Variants in TMEM135 observed in about 807,000 individuals in gnomAD.
TMEM135 encodes peroxisomal membrane protein 52.
In TMEM135, 30 loss-of-function variants were observed where a neutral mutation model predicts 60.3. The ratio of observed to expected loss-of-function variants is 0.50; its 90% CI spans 0.37 to 0.68. The LOEUF is 0.68. TMEM135 is among the 30% of genes least tolerant of loss of function. TMEM135 has a pLI of 0.00. For synonymous variants in TMEM135, 190 were observed against 186.7 expected, an observed-to-expected ratio of 1.02 and a Z score of -0.14; for missense variants, 468 against 548.8, an observed-to-expected ratio of 0.85 and a Z score of 1.47.
chr11:87,077,695 C>G (rs1856903239), intron 3 of TMEM135, among the ~76,000 whole-genome samples: 1 of 152,164 alleles, frequency 6.6e-6, no homozygotes, highest in African/African-American at 2.4e-5. Context: ...CCATCACAAA[C>G]AATTTTAGAA....
chr11:87,275,608 G>C (rs1455464284), intron 6 of TMEM135, among the ~76,000 whole-genome samples: 2 of 152,110 alleles, frequency 1.3e-5, no homozygotes, highest in African/African-American at 2.4e-5. Flanking sequence ...TAGCAAGTTA[G>C]AGTCTCAGAA....
chr11:87,317,952 G>A (rs977045703), intron 12 of TMEM135, among the ~76,000 whole-genome samples, 185 bp from the exon 13 acceptor site: 2 of 152,118 alleles, frequency 1.3e-5, no homozygotes, highest in African/African-American at 2.4e-5. Context: ...CTGGGATTTG[G>A]AGCAAAACTG....
chr11:87,105,611 G>GT (rs1591023059), intron 4 of TMEM135, among the ~76,000 whole-genome samples: 2 of 152,188 alleles, frequency 1.3e-5, no homozygotes, highest in East Asian at 3.9e-4. Flanking sequence ...TAAAAAACAA[G>GT]TAAAAACACT....
At chr11:87,158,547 T>G (rs146733043) in intron 5 of TMEM135, among the ~76,000 whole-genome samples, 2,539 of 151,694 alleles carry the variant, frequency 0.017, 64 homozygotes, top group East Asian at 0.072. Context: ...CTACAAGCTC[T>G]GCCTCCCAGG....
intron 6 of TMEM135, among the ~76,000 whole-genome samples, chr11:87,256,029 A>G (rs1941522143): frequency 6.6e-6 from 1 of 152,208 alleles, no homozygotes; most frequent in African/African-American, 2.4e-5. Context: ...GGGATCTATT[A>G]AAAACATTGA....
At chr11:87,187,642 C>T (rs1431317834) in intron 5 of TMEM135, among the ~76,000 whole-genome samples, 3 of 152,160 alleles carry the variant, frequency 2.0e-5, no homozygotes, top group Admixed American at 6.5e-5. Flanking sequence ...TGTGTGTGAA[C>T]GTAGTTGCCA....
At chr11:87,066,005 C>A (rs1209308316) in intron 1 of TMEM135, among the ~76,000 whole-genome samples, 3 of 152,046 alleles carry the variant, frequency 2.0e-5, no homozygotes, top group Non-Finnish European at 4.4e-5. Flanking sequence ...CATTGTTTTG[C>A]CTGTGTATGA....
rs183490504 is a variant in TMEM135 at position 87,318,106 on chromosome 11, T to C, written c.1078-31T>C. The C allele has an allele frequency of 4.5e-4, 711 of 1,569,808 alleles. 4 individuals are homozygous for C. In the African/African-American group the frequency reaches 7.2e-3, roughly 16 times the overall value. On this transcript the variant is annotated intron_variant, in intron 12 of 14. Transcript: ENST00000305494. The stretch of plus-strand genomic sequence containing the variant: ...TGTTTTTAATGCTGAGGTTTTTTCT[T>C]TATAACTCTTGTCTTATGCTTGTTT...
At position 87,094,472 on chromosome 11, in the gene TMEM135, A is replaced by G. The variant is rs7112286; in HGVS notation, c.396+3077A>G. On this transcript the variant is annotated intron_variant, in intron 4 of 14. Coordinates refer to ENST00000305494, the MANE Select transcript of TMEM135 (RefSeq NM_022918.4). Reference sequence around the variant, plus strand: ...GCAGACTCTGGATCTGGAGCTCCTCATTACTTCTTCTCCCCTTTTTTCAAT... The same window carrying G: ...GCAGACTCTGGATCTGGAGCTCCTCGTTACTTCTTCTCCCCTTTTTTCAAT... Among the ~76,000 whole-genome samples the G allele has an allele frequency of 7.6e-3, 1,163 of 152,192 alleles. 16 individuals carry two copies. The highest frequency in any genetic ancestry group is 0.026 in the African/African-American group (1,063 of 41,502).
intron 6 of TMEM135, among the ~76,000 whole-genome samples, chr11:87,276,578 G>A (rs1474200839): frequency 2.0e-5 from 3 of 150,064 alleles, no homozygotes; most frequent in Non-Finnish European, 3.0e-5. Flanking sequence ...GTGTGTGTGT[G>A]TATTCACTGG....
At chr11:87,228,650 A>G (rs1394946606) in intron 5 of TMEM135, among the ~76,000 whole-genome samples, 1 of 152,172 alleles carries the variant, frequency 6.6e-6, no homozygotes, top group Non-Finnish European at 1.5e-5. Flanking sequence ...AGGAATGGCC[A>G]CAGGCACTGT....
intron 3 of TMEM135, among the ~76,000 whole-genome samples, chr11:87,086,637 GT>G (rs905543840): frequency 8.5e-5 from 13 of 152,092 alleles, no homozygotes; most frequent in African/African-American, 2.9e-4. Flanking sequence ...TGGTTTGTGA[GT>G]ATGCAAAAAA....
intron 1 of TMEM135, among the ~76,000 whole-genome samples, chr11:87,047,256 A>C (rs1334522533): frequency 6.6e-6 from 1 of 152,178 alleles, no homozygotes; most frequent in East Asian, 1.9e-4. Flanking sequence ...TTTCTGGGGA[A>C]TATCTTAAAT....
intron 6 of TMEM135, among the ~76,000 whole-genome samples, chr11:87,291,442 T>C (rs1942259261): frequency 6.7e-6 from 1 of 149,508 alleles, no homozygotes; most frequent in African/African-American, 2.4e-5. Context: ...ATGACCACAA[T>C]CATCGTTCCC....
intron 5 of TMEM135, among the ~76,000 whole-genome samples, chr11:87,172,499 T>G (rs557523113): frequency 1.2e-4 from 19 of 152,196 alleles, no homozygotes; most frequent in African/African-American, 4.1e-4. Flanking sequence ...AGAATGGATT[T>G]TTTTTAAACC....
chr11:87,225,031 T>C (rs1940736580), intron 5 of TMEM135, among the ~76,000 whole-genome samples: 1 of 152,176 alleles, frequency 6.6e-6, no homozygotes, highest in Admixed American at 6.5e-5. Context: ...CACCTTTTCT[T>C]AAATCTTGTT....
chr11:87,250,373 G>T (rs1941386885), intron 6 of TMEM135, among the ~76,000 whole-genome samples: 1 of 151,930 alleles, frequency 6.6e-6, no homozygotes, highest in Admixed American at 6.6e-5. Context: ...AAGATGCATT[G>T]TTATGTTGTT....
intron 6 of TMEM135, among the ~76,000 whole-genome samples, chr11:87,249,922 A>G (rs1247438015): frequency 2.0e-5 from 3 of 152,216 alleles, no homozygotes; most frequent in East Asian, 3.9e-4. Flanking sequence ...CAGTGAAACT[A>G]TCAGGTTCTG....
At chr11:87,288,060 C>T (rs1320584810) in intron 6 of TMEM135, among the ~76,000 whole-genome samples, 1 of 152,132 alleles carries the variant, frequency 6.6e-6, no homozygotes, top group Non-Finnish European at 1.5e-5. Flanking sequence ...TATTTTCCTG[C>T]ATGCCTCTTA....
Sources: allele counts gnomAD v4.1 joint callset (sites outside exome capture counted in the v4.1 genomes callset), GRCh38; gene constraint gnomAD v4.1.1; transcripts MANE v1.5; gene names NCBI Gene and HGNC (gene_info 2026-07-23, HGNC 2026-07-21).